BPIFB4: variants seen among roughly 807,000 people sequenced by gnomAD.
BPIFB4 encodes BPI fold-containing family B member 4.
Under a neutral mutation model 69.2 loss-of-function variants are expected in BPIFB4, and 62 were observed. That is an observed-to-expected ratio of 0.90 (90% CI 0.73 to 1.11). The LOEUF is 1.11. BPIFB4 is among the 50% of genes least tolerant of loss of function. The pLI is 0.00. For synonymous variants in BPIFB4, 330 were observed against 332.7 expected, an observed-to-expected ratio of 0.99 and a Z score of 0.09; for missense variants, 789 against 792.0, an observed-to-expected ratio of 1.00 and a Z score of 0.04.
At chr20:33,111,348 G>T in intron 17 of BPIFB4, 66 bp from the exon 18 acceptor site, 1 of 1,599,374 alleles carries the variant, frequency 6.3e-7, no homozygotes, top group Non-Finnish European at 8.6e-7. Flanking sequence ...CCGTAGGCAG[G>T]TGAGTAGCAA....
chr20:33,107,911 GGAAGA>G (rs1982117598), intron 17 of BPIFB4, 91 bp downstream of exon 17: 1 of 1,180,146 alleles, frequency 8.5e-7, no homozygotes, highest in Non-Finnish European at 1.3e-6. Context: ...ACTTGGAAGA[GGAAGA>G]GAAGAGGAGG....
chr20:33,104,852 G>T lies in BPIFB4; in HGVS notation c.1723G>T (p.Ala575Ser). 1 of 1,614,134 alleles carries T rather than the reference G, an allele frequency of 6.2e-7. No individual in the cohort carries two copies. The stretch of plus-strand genomic sequence containing the variant: ...GCTGGTGGAGAAGATTTTTGACCTG[G>T]CATTCATGCCCGCAATGAACGGTGA... ...EVLVEKIFDL[A>S]FMPAMNAVLG... Residue 575 changes from alanine (A) to serine (S), a missense_variant, in exon 16 of 18, where the codon GCA (alanine) becomes TCA (serine). By Grantham distance (99) the Ala-to-Ser change is moderately conservative (BLOSUM62 1). Coordinates refer to ENST00000375483, the MANE Select transcript of BPIFB4 (RefSeq NM_182519.3).
At chr20:33,081,452 A>C (rs1981225353) in intron 2 of BPIFB4, 60 bp from the exon 3 acceptor site, 5 of 1,533,910 alleles carry the variant, frequency 3.3e-6, no homozygotes, top group Non-Finnish European at 4.4e-6. Flanking sequence ...GCCTAGTGCT[A>C]CCTGCTGGCC....
chr20:33,103,027 T>C lies in BPIFB4; in HGVS notation c.1680+13T>C, dbSNP rs2146414770. 2 of 1,613,100 alleles carry C rather than the reference T, an allele frequency of 1.2e-6. No homozygotes were observed. Among genetic ancestry groups the C allele is most frequent in the Non-Finnish European group, 1.7e-6 (2 of 1,179,060 alleles). On this transcript the variant is annotated intron_variant, in intron 15 of 17. Coordinates refer to ENST00000375483, the MANE Select transcript of BPIFB4 (RefSeq NM_182519.3). ...GGGCAACTTTGATGTAAGTACCATG[T>C]TTAGTTCCCAGGGCAAGATCTTCTG...
chr20:33,087,377 T>C lies in BPIFB4; in HGVS notation c.926+1213T>C, dbSNP rs574078942. Among the ~76,000 whole-genome samples, 5 of 152,350 alleles carry C rather than the reference T, an allele frequency of 3.3e-5. No homozygotes were observed. The East Asian group carries it at 7.7e-4, about 24-fold the overall frequency. On this transcript the variant is annotated intron_variant, in intron 7 of 17. Coordinates refer to ENST00000375483, the MANE Select transcript of BPIFB4 (RefSeq NM_182519.3). ...ATTCTCATCTTCCACCCTCCTTTTA[T>C]GCAAAGGGGCACATACTATAAATAC...
chr20:33,086,110 T>C lies in BPIFB4; in HGVS notation c.872T>C (p.Val291Ala). Reference sequence around the variant, plus strand: ...GACCGCACGGGTTATCCTCGGCTGGTCATTGAGCGATGTGACACCCTCCTA... The same window carrying C: ...GACCGCACGGGTTATCCTCGGCTGGCCATTGAGCGATGTGACACCCTCCTA... ...TMDRTGYPRL[V>A]IERCDTLLGG... is the part of the protein sequence containing the mutation. The change falls in exon 7 of 18, where the codon GTC becomes GCC. Residue 291 changes from valine to alanine, a missense_variant. Val to Ala is a moderately conservative substitution (Grantham distance 64, BLOSUM62 0). This residue lies in a region of BPIFB4 where 611 missense variants were observed against 575.4 expected (regional missense o/e 1.06). Coordinates refer to ENST00000375483, the MANE Select transcript of BPIFB4 (RefSeq NM_182519.3). 5 of 1,613,396 alleles carry C rather than the reference T, an allele frequency of 3.1e-6. No individual in the cohort carries two copies. The highest frequency in any genetic ancestry group is 4.2e-6 in the Non-Finnish European group (5 of 1,179,388).
chr20:33,105,134 G>A (rs1982012251), intron 16 of BPIFB4, among the ~76,000 whole-genome samples: 1 of 151,780 alleles, frequency 6.6e-6, no homozygotes, highest in African/African-American at 2.4e-5. Flanking sequence ...TATTAACATT[G>A]TGTGTGTGCA....
chr20:33,109,051 C>A (rs770433863), intron 17 of BPIFB4, among the ~76,000 whole-genome samples: 1 of 152,062 alleles, frequency 6.6e-6, no homozygotes. Context: ...GCAGTGTGGG[C>A]AGGGGTCAGA....
At chr20:33,085,131 G>A (rs1019235172) in intron 6 of BPIFB4, 135 bp downstream of exon 6, 27 of 1,461,604 alleles carry the variant, frequency 1.8e-5, no homozygotes, top group South Asian at 1.5e-4. Context: ...ATCTGTCAGC[G>A]GTGAAAACAG....
chr20:33,086,163 GGGTGAGTGCTAGCCGGCA>G lies in BPIFB4; in HGVS notation c.926+1_926+18del. On this transcript the variant is annotated splice_donor_variant and splice_donor_5th_base_variant and coding_sequence_variant and intron_variant, in exon 7 of 18. Coordinates refer to ENST00000375483, the MANE Select transcript of BPIFB4 (RefSeq NM_182519.3). LOFTEE classifies it high-confidence loss of function. ...GGGCATCAAAGTCAAGCTGCTGCGA[GGGTGAGTGCTAGCCGGCA>G]GTGGAGTGCCTTGGGGGTTGCTGGA... 1.2e-6 allele frequency: 2 copies of G among 1,604,944 alleles called. No homozygotes were observed. Among genetic ancestry groups the G allele is most frequent in the Non-Finnish European group, 1.7e-6 (2 of 1,172,444 alleles).
rs1458948046 is a variant in BPIFB4 at position 33,080,939 on chromosome 20, GTGGATGGATGGTTGGT to G, written c.-16+389_-16+404del. The stretch of plus-strand genomic sequence containing the variant: ...TAGAGGGAGGAGAATGAGTTGATGA[GTGGATGGATGGTTGGT>G]TGGATGGATGGTTGGTTGGATGGAT... On this transcript the variant is annotated intron_variant, in intron 2 of 17. Coordinates refer to ENST00000375483, the MANE Select transcript of BPIFB4 (RefSeq NM_182519.3). Among the ~76,000 whole-genome samples the G allele has an allele frequency of 7.2e-5, 11 of 152,166 alleles. No homozygotes were observed. In the East Asian group the frequency reaches 1.7e-3, roughly 24 times the overall value.
At chr20:33,097,817 A>G (rs1194931496) in intron 13 of BPIFB4, 30 bp downstream of exon 13, 1 of 1,579,236 alleles carries the variant, frequency 6.3e-7, no homozygotes, top group South Asian at 1.1e-5. Context: ...GGTGGCCTCC[A>G]GCTGGGCCTC....
chr20:33,109,410 C>G (rs911478082), intron 17 of BPIFB4, among the ~76,000 whole-genome samples: 1 of 152,096 alleles, frequency 6.6e-6, no homozygotes, highest in Non-Finnish European at 1.5e-5. Flanking sequence ...ATCAACAGCC[C>G]TGGTTGATGT....
At chr20:33,093,919 ATCTGTCTGATCTG>A (rs1568585783) in intron 11 of BPIFB4, among the ~76,000 whole-genome samples, 1 of 152,042 alleles carries the variant, frequency 6.6e-6, no homozygotes, top group Non-Finnish European at 1.5e-5. Context: ...TTATCAATCT[ATCTGTCTGATCTG>A]TCTGTCTGTC....
chr20:33,103,147 CT>C, intron 15 of BPIFB4, 133 bp downstream of exon 15: 1 of 974,624 alleles, frequency 1.0e-6, no homozygotes, highest in Non-Finnish European at 1.6e-6. Context: ...CCCGTCAACA[CT>C]ATCAGCCCTC....
chr20:33,098,053 CCA>C (rs1369411648), intron 13 of BPIFB4, among the ~76,000 whole-genome samples: 1 of 152,150 alleles, frequency 6.6e-6, no homozygotes, highest in African/African-American at 2.4e-5. Context: ...CTTCTGAGCC[CCA>C]GTTTTCTCAT....
chr20:33,086,248 C>A, intron 7 of BPIFB4, 84 bp downstream of exon 7: 2 of 1,516,422 alleles, frequency 1.3e-6, no homozygotes, highest in South Asian at 1.2e-5. Flanking sequence ...ACCCACCTGC[C>A]CATAGGCTCT....
intron 16 of BPIFB4, among the ~76,000 whole-genome samples, chr20:33,106,977 G>A (rs1033278672): frequency 1.2e-4 from 19 of 152,268 alleles, no homozygotes; most frequent in Admixed American, 2.6e-4. Context: ...AGGCCAAGGC[G>A]GGTGGAGCAC....
intron 10 of BPIFB4, 121 bp downstream of exon 10, chr20:33,090,920 C>A (rs1296637202): frequency 1.7e-6 from 2 of 1,208,530 alleles, no homozygotes; most frequent in South Asian, 2.9e-5. Flanking sequence ...AGGACCCTCT[C>A]GATTAGAAGA....
Sources: gnomAD v4.1 joint callset for allele counts (sites outside exome capture counted in the v4.1 genomes callset) on GRCh38, gnomAD v4.1.1 for gene constraint, gnomAD v4.1.1 regional missense constraint, MANE v1.5 for transcripts, NCBI Gene and HGNC (gene_info 2026-07-23, HGNC 2026-07-21) for gene names.